PCDHGA2: variants seen among roughly 807,000 people sequenced by gnomAD.
The protein encoded by PCDHGA2 is protocadherin gamma subfamily A, 2, also known as protocadherin gamma-A2.
Under a neutral mutation model 59.2 loss-of-function variants are expected in PCDHGA2, and 40 were observed. That is an observed-to-expected ratio of 0.68 (90% confidence interval 0.52 to 0.88). PCDHGA2 has a LOEUF of 0.88. Among genes scored for constraint, PCDHGA2 ranks in the 40% least tolerant of loss-of-function variants. The pLI, the probability that PCDHGA2 is intolerant of heterozygous loss-of-function variation, is 0.00. For synonymous variants in PCDHGA2, 560 were observed against 526.0 expected (o/e 1.06, Z -0.89); for missense variants, 1,226 against 1,204.0 (o/e 1.02, Z -0.27).
Position 141,339,950 on chromosome 5 carries a change from C to G in PCDHGA2, c.979C>G (p.Leu327Val). 6.2e-7 allele frequency: 1 copy of G among 1,614,158 alleles called. No individual in the cohort carries two copies. The highest frequency in any genetic ancestry group is 8.5e-7 in the Non-Finnish European group (1 of 1,180,002). ...TATTGAAGCTCAGGATGGTCCGGGC[C>G]TTCTAACCAGAGCGAAGGTTATCGT... ...IDIEAQDGPG[L>V]LTRAKVIVTV... The change falls in exon 1 of 4, where the codon CTT becomes GTT. Residue 327 changes from leucine (L) to valine (V), a missense_variant. Transcript: ENST00000394576.
intron 1 of PCDHGA2, chr5:141,365,395 G>A (rs753717509): frequency 6.2e-7 from 1 of 1,613,860 alleles, no homozygotes; most frequent in Non-Finnish European, 8.5e-7. Flanking sequence ...TGACCAGTTC[G>A]ATCTCTGAAG....
rs767842302 is a variant in PCDHGA2 at position 141,381,979 on chromosome 5, G to A, written c.2424+40584G>A. Among the ~76,000 whole-genome samples the A allele has an allele frequency of 2.6e-5, 4 of 151,486 alleles. 1 individual carries two copies. Among genetic ancestry groups the A allele is most frequent in the East Asian group, 3.9e-4 (2 of 5,156 alleles). On this transcript the variant is annotated intron_variant, in intron 1 of 3. Transcript: ENST00000394576. ...TGAGTAGCTGGGATTACAGGCGCGCGCCACCACGCCCGGATAATTTTGTAT... is the reference window on the plus strand; with the variant it reads ...TGAGTAGCTGGGATTACAGGCGCGCACCACCACGCCCGGATAATTTTGTAT...
In PCDHGA2 at chr5:141,341,394, A is replaced by T. The variant is rs759385100; in HGVS notation, c.2423A>T (p.Gln808Leu). 2.5e-6 allele frequency: 4 copies of T among 1,614,094 alleles called. No individual in the cohort carries two copies. The highest frequency in any genetic ancestry group is 3.4e-6 in the Non-Finnish European group (4 of 1,180,052). The change falls in exon 1 of 4, where the codon CAG (glutamine) becomes CTG (leucine). Residue 808 changes from glutamine (Q) to leucine (L), a missense_variant and splice_region_variant. Physicochemically the swap from Gln to Leu is moderately radical, Grantham distance 113 (BLOSUM62 -2). Coordinates refer to ENST00000394576, the MANE Select transcript of PCDHGA2 (RefSeq NM_018915.4). ...LEEEREETFS[Q>L]QAPPNTDWRF... is the part of the protein sequence containing the mutation. ...GAAGAAAGAGAAGAAACGTTTTCTC[A>T]GGTAATCTATCTTTTCACAACATAC...
intron 1 of PCDHGA2, chr5:141,411,226 C>G (rs781690096): frequency 6.6e-6 from 1 of 151,996 alleles, no homozygotes; most frequent in South Asian, 2.1e-4. Flanking sequence ...TTCAAATTTG[C>G]GAAGACTTAG....
chr5:141,419,455 G>A lies in PCDHGA2; in HGVS notation c.2425-75352G>A, dbSNP rs770156844. 8.1e-6 allele frequency: 13 copies of A among 1,612,598 alleles called. No homozygotes were observed. The African/African-American group carries it at 1.7e-4, about 22-fold the overall frequency. ...AGCTGCGCACCTTCGAGCTCACGCT[G>A]CAGGCCCGCGACCAGGGCTCGCCCG... is the stretch of plus-strand genomic sequence containing the variant. On this transcript the variant is annotated intron_variant, in intron 1 of 3. Coordinates refer to ENST00000394576, the MANE Select transcript of PCDHGA2 (RefSeq NM_018915.4).
chr5:141,345,320 C>A (rs564741098), intron 1 of PCDHGA2: 3 of 1,613,966 alleles, frequency 1.9e-6, no homozygotes, highest in East Asian at 2.2e-5. Flanking sequence ...ATGGGGGAAG[C>A]CCGCCACTGT....
intron 1 of PCDHGA2, chr5:141,417,692 C>A: frequency 9.2e-7 from 1 of 1,089,116 alleles, no homozygotes; most frequent in Non-Finnish European, 1.3e-6. Context: ...AAAAGAAAAC[C>A]AGCTCCCACA....
intron 1 of PCDHGA2, among the ~76,000 whole-genome samples, chr5:141,382,030 T>C (rs953371042): frequency 6.6e-6 from 1 of 151,856 alleles, no homozygotes; most frequent in African/African-American, 2.4e-5. Context: ...GGTTTCTCCA[T>C]GTTGGTCAGG....
At chr5:141,475,902 C>T (rs1296545944) in intron 1 of PCDHGA2, 1 of 576,594 alleles carries the variant, frequency 1.7e-6, no homozygotes, top group Non-Finnish European at 3.0e-6. Context: ...GTGCCGCTGT[C>T]GGCCAATGAA....
At chr5:141,448,999 G>GT (rs910018882) in intron 1 of PCDHGA2, among the ~76,000 whole-genome samples, 19 of 151,698 alleles carry the variant, frequency 1.3e-4, no homozygotes, top group South Asian at 2.1e-4. Flanking sequence ...ATAGAAAGCT[G>GT]TTTTTTTTAA....
chr5:141,497,218 GA>G (rs1172998466), intron 2 of PCDHGA2, among the ~76,000 whole-genome samples: 1 of 149,792 alleles, frequency 6.7e-6, no homozygotes, highest in Non-Finnish European at 1.5e-5. Flanking sequence ...ATGGGGGGGG[GA>G]AGATCAGAGA....
intron 1 of PCDHGA2, among the ~76,000 whole-genome samples, chr5:141,481,148 C>G (rs2099532606): frequency 6.6e-6 from 1 of 152,176 alleles, no homozygotes; most frequent in Non-Finnish European, 1.5e-5. Context: ...AAGTGTTATT[C>G]TGGTATTTGC....
At chr5:141,409,546 C>G in intron 1 of PCDHGA2, 1 of 1,613,998 alleles carries the variant, frequency 6.2e-7, no homozygotes, top group Non-Finnish European at 8.5e-7. Flanking sequence ...TCAACGACAA[C>G]GCCCCAGTTT....
chr5:141,426,590 C>T (rs2096945493), intron 1 of PCDHGA2: 1 of 369,282 alleles, frequency 2.7e-6, no homozygotes, highest in East Asian at 7.4e-5. Context: ...TCCTCTGTGT[C>T]ATACCCTTAG....
chr5:141,372,670 A>T (rs1383646459), intron 1 of PCDHGA2: 1 of 1,614,026 alleles, frequency 6.2e-7, no homozygotes. Flanking sequence ...GCTGCCTCAC[A>T]TTCCTCAAAC....
Position 141,476,217 on chromosome 5 carries a change from A to G in PCDHGA2, c.2425-18590A>G. On this transcript the variant is annotated intron_variant, in intron 1 of 3. Coordinates refer to ENST00000394576, the MANE Select transcript of PCDHGA2 (RefSeq NM_018915.4). This position sits in a 1 kb window ranked among gnomAD's most constrained non-coding sequence, Gnocchi z 7.6. ...TTGAACAAGGCTTCCACGGTCATTC[A>G]CTATGAGATCCCGGAGGAAAGAGAG... The G allele has an allele frequency of 6.2e-7, 1 of 1,613,836 alleles. No homozygotes were observed. The highest frequency in any genetic ancestry group is 2.2e-5 in the East Asian group (1 of 44,818).
intron 1 of PCDHGA2, among the ~76,000 whole-genome samples, chr5:141,474,432 C>T (rs1050895539): frequency 6.6e-6 from 1 of 152,214 alleles, no homozygotes; most frequent in Non-Finnish European, 1.5e-5. Context: ...GGTCCTCACA[C>T]TTTGAGTAGC....
At chr5:141,422,611 A>C in intron 1 of PCDHGA2, 3 of 1,613,762 alleles carry the variant, frequency 1.9e-6, no homozygotes, top group Non-Finnish European at 2.5e-6. Flanking sequence ...CTCTGCCTAC[A>C]TTCCCGAAAA....
rs2099670287 is a variant in PCDHGA2, at chr5:141,487,983, TC to T, written c.2425-6822del. Among the ~76,000 whole-genome samples, 3 of 152,290 alleles carry T rather than the reference TC, an allele frequency of 2.0e-5. No individual in the cohort carries two copies. The South Asian group carries it at 6.2e-4, about 32-fold the overall frequency. ...CAAAGGTGGCTGTTTTCTCTACTCT[TC>T]CTGAAAGAGGGGATCAGATTCTGAA... On this transcript the variant is annotated intron_variant, in intron 1 of 3. Coordinates refer to ENST00000394576, the MANE Select transcript of PCDHGA2 (RefSeq NM_018915.4). This position sits in a 1 kb window ranked among gnomAD's most constrained non-coding sequence, Gnocchi z 5.0.
Sources: gnomAD v4.1 joint callset for allele counts (sites outside exome capture counted in the v4.1 genomes callset) on GRCh38, gnomAD v4.1.1 for gene constraint, Gnocchi (gnomAD v3.1) non-coding constraint, MANE v1.5 for transcripts, NCBI Gene and HGNC (gene_info 2026-07-23, HGNC 2026-07-21) for gene names.